Variants in LAMA1 observed in about 807,000 individuals in gnomAD.
LAMA1 encodes laminin subunit alpha-1.
LAMA1 carries 219 observed loss-of-function variants against 348.7 expected under a neutral mutation model. That is an observed-to-expected ratio of 0.63 (90% CI 0.56 to 0.70). The LOEUF is 0.70. Among genes scored for constraint, LAMA1 ranks in the 30% least tolerant of loss-of-function variants. The probability of loss-of-function intolerance (pLI) is 0.00; values close to 1 mark genes in which losing one functional copy is unlikely to be tolerated. For synonymous variants in LAMA1, 1,487 were observed against 1,491.0 expected (o/e 1.00, Z 0.06); for missense variants, 3,744 against 3,888.0 (o/e 0.96, Z 0.99).
At chr18:7,051,588 C>G (rs2058062521) in intron 3 of LAMA1, among the ~76,000 whole-genome samples, 1 of 152,112 alleles carries the variant, frequency 6.6e-6, no homozygotes, top group Non-Finnish European at 1.5e-5. Flanking sequence ...TTGATATGAA[C>G]ATAAGAGCTT....
At chr18:7,032,269 A>T in intron 15 of LAMA1, 93 bp from the exon 16 acceptor site, 2 of 779,124 alleles carry the variant, frequency 2.6e-6, no homozygotes, top group Non-Finnish European at 2.3e-6. Context: ...TTTCTTAAAC[A>T]TCTTAACTGA....
In LAMA1 at chr18:6,985,583, T is replaced by C; in HGVS notation, c.5440A>G (p.Arg1814Gly). The change falls in exon 38 of 63, where the codon AGA becomes GGA. Residue 1814 changes from arginine (R) to glycine (G), a missense_variant. Arg to Gly is a moderately radical substitution (Grantham distance 125, BLOSUM62 -2). Transcript: ENST00000389658. Reference sequence around the variant, plus strand: ...GCAGCAGCAGCATCTATCAATCCTCTTCCTTGGACAATGAGCTCTGAGGTC... The same window carrying C: ...GCAGCAGCAGCATCTATCAATCCTCCTCCTTGGACAATGAGCTCTGAGGTC... ...NLTSELIVQG[R>G]GLIDAAAAQT... The C allele has an allele frequency of 6.2e-7, 1 of 1,614,166 alleles. No homozygotes were observed. The highest frequency in any genetic ancestry group is 8.5e-7 in the Non-Finnish European group (1 of 1,180,012).
intron 16 of LAMA1, among the ~76,000 whole-genome samples, chr18:7,027,261 A>T (rs996414187): frequency 5.9e-5 from 9 of 152,218 alleles, no homozygotes; most frequent in African/African-American, 2.2e-4. Context: ...ACAAGAGACA[A>T]GCCTTATTCT....
chr18:7,047,751 G>A (rs550388845), intron 5 of LAMA1, among the ~76,000 whole-genome samples: 24 of 151,856 alleles, frequency 1.6e-4, no homozygotes, highest in African/African-American at 5.8e-4. Flanking sequence ...AGGTTGAATA[G>A]TTTTCAACAA....
intron 3 of LAMA1, among the ~76,000 whole-genome samples, chr18:7,057,702 C>T (rs2143740216): frequency 6.6e-6 from 1 of 151,800 alleles, no homozygotes; most frequent in African/African-American, 2.4e-5. Context: ...TGGTCTTGAA[C>T]TCTTGGGCTC....
chr18:6,993,765 TAA>T lies in LAMA1; in HGVS notation c.4897-15_4897-14del, dbSNP rs1202402177. ...ACATCCTAGTGAGCTGGTGGAAAAA[TAA>T]AGTCTCAGGTTAGTTTGACTTTAAG... On this transcript the variant is annotated splice_polypyrimidine_tract_variant and intron_variant, in intron 34 of 62. Transcript: ENST00000389658. 6.6e-7 allele frequency: 1 copy of T among 1,503,856 alleles called. No homozygotes were observed. The highest frequency in any genetic ancestry group is 2.3e-5 in the East Asian group (1 of 44,372). 93.2% of individuals were successfully genotyped at this position (1,503,856 alleles called of 1,614,324 possible). A position where few individuals can be genotyped will look rare whatever the true frequency, so the allele number is the denominator to read the frequency against.
At position 7,011,339 on chromosome 18, in the gene LAMA1, C is replaced by A; in HGVS notation, c.3648G>T (p.Pro1216=). ...ATVRQHIRAE[P]FYWRLPQQFQ... is the part of the protein sequence containing the mutation. ...ACTGCTGCGGCAGCCGCCAGTAAAA[C>A]GGCTCTGCACGGATGTGCTGCCGGA... Residue 1216 remains proline, a synonymous_variant, in exon 25 of 63, where the codon CCG becomes CCT. Transcript: ENST00000389658. 6.2e-7 allele frequency: 1 copy of A among 1,612,298 alleles called. No homozygotes were observed. The highest frequency in any genetic ancestry group is 8.5e-7 in the Non-Finnish European group (1 of 1,179,544).
intron 1 of LAMA1, among the ~76,000 whole-genome samples, chr18:7,106,678 C>A (rs1234837700): frequency 1.3e-5 from 2 of 151,858 alleles, no homozygotes; most frequent in African/African-American, 4.8e-5. Flanking sequence ...TTTTAAAATG[C>A]AAATGATATG....
At chr18:7,032,454 T>C (rs1305896380) in intron 15 of LAMA1, among the ~76,000 whole-genome samples, 1 of 152,214 alleles carries the variant, frequency 6.6e-6, no homozygotes, top group Non-Finnish European at 1.5e-5. Flanking sequence ...TTACGGCCTA[T>C]TCTTGTTATG....
chr18:6,990,736 C>A (rs943144564), intron 36 of LAMA1, among the ~76,000 whole-genome samples: 3 of 152,130 alleles, frequency 2.0e-5, no homozygotes, highest in Non-Finnish European at 1.5e-5. Flanking sequence ...GAAAGGCCCT[C>A]GATGTCTCCG....
At chr18:7,079,945 A>G (rs200936411) in intron 3 of LAMA1, 30 bp downstream of exon 3, 118 of 1,482,014 alleles carry the variant, frequency 8.0e-5, no homozygotes, top group Non-Finnish European at 1.1e-4. Flanking sequence ...CAGCCTGTAG[A>G]CACTCTTCAA....
chr18:7,011,370 G>A lies in LAMA1; in HGVS notation c.3617C>T (p.Ala1206Val), dbSNP rs372946104. ...YQAPDFLLDA[A>V]TVRQHIRAEP... is the part of the protein sequence containing the mutation. ...TGCACGGATGTGCTGCCGGACGGTG[G>A]CGGCATCCAGCAGGAAGTCGGGGGC... is the stretch of plus-strand genomic sequence containing the variant. The change falls in exon 25 of 63, where the codon GCC (alanine) becomes GTC (valine). Residue 1206 changes from alanine (A) to valine (V), a missense_variant. Physicochemically the swap from Ala to Val is moderately conservative, Grantham distance 64. Transcript: ENST00000389658. The A allele has an allele frequency of 4.5e-5, 72 of 1,611,642 alleles. No individual in the cohort carries two copies. Among genetic ancestry groups the A allele is most frequent in the Non-Finnish European group, 5.1e-5 (60 of 1,179,244 alleles).
chr18:7,026,715 C>A (rs562554950), intron 16 of LAMA1, among the ~76,000 whole-genome samples: 1 of 152,052 alleles, frequency 6.6e-6, no homozygotes, highest in Admixed American at 6.5e-5. Flanking sequence ...TGATCATATT[C>A]GGCCAGGTGC....
chr18:6,984,488 T>G (rs1413068727), intron 39 of LAMA1, among the ~76,000 whole-genome samples: 1 of 152,144 alleles, frequency 6.6e-6, no homozygotes, highest in Non-Finnish European at 1.5e-5. Flanking sequence ...ACCTGAGGGT[T>G]TTTAAAAAAT....
At position 7,011,365 on chromosome 18, in the gene LAMA1, C is replaced by T. The variant is rs369286165; in HGVS notation, c.3622G>A (p.Val1208Ile). 1.9e-5 allele frequency: 30 copies of T among 1,611,978 alleles called. No homozygotes were observed. Among genetic ancestry groups the T allele is most frequent in the South Asian group, 8.8e-5 (8 of 90,456 alleles). ...APDFLLDAAT[V>I]RQHIRAEPFY... Reference sequence around the variant, plus strand: ...GGCTCTGCACGGATGTGCTGCCGGACGGTGGCGGCATCCAGCAGGAAGTCG... The same window carrying T: ...GGCTCTGCACGGATGTGCTGCCGGATGGTGGCGGCATCCAGCAGGAAGTCG... The change falls in exon 25 of 63, where the codon GTC becomes ATC. Residue 1208 changes from valine (V) to isoleucine (I), a missense_variant. Around this residue, in one of 3 missense-constraint regions of LAMA1, gnomAD observed 1,529 missense variants for 1,689.4 expected, o/e 0.91. Coordinates refer to ENST00000389658, the MANE Select transcript of LAMA1 (RefSeq NM_005559.4).
At position 7,025,972 on chromosome 18, in the gene LAMA1, G is replaced by A. The variant is rs1438430091; in HGVS notation, c.2402+7C>T. The A allele has an allele frequency of 1.2e-6, 2 of 1,605,070 alleles. No homozygotes were observed. The highest frequency in any genetic ancestry group is 1.7e-5 in the Admixed American group (1 of 58,792). On this transcript the variant is annotated splice_region_variant and intron_variant, in intron 17 of 62. Coordinates refer to ENST00000389658, the MANE Select transcript of LAMA1 (RefSeq NM_005559.4). Reference sequence around the variant, plus strand: ...GGCAGGAACCGCTGATGAGGTCCGAGGCTTACTTGTTGGAGGCTATGGTGA... The same window carrying A: ...GGCAGGAACCGCTGATGAGGTCCGAAGCTTACTTGTTGGAGGCTATGGTGA...
At chr18:6,979,073 G>A (rs2057696442) in intron 42 of LAMA1, among the ~76,000 whole-genome samples, 1 of 152,078 alleles carries the variant, frequency 6.6e-6, no homozygotes, top group Admixed American at 6.6e-5. Context: ...CTGGAAAAAG[G>A]GTATACAGGT....
chr18:7,107,365 G>A (rs184574348), intron 1 of LAMA1, among the ~76,000 whole-genome samples: 1,967 of 151,974 alleles, frequency 0.013, 33 homozygotes, highest in East Asian at 0.039. Context: ...TGATCCACCC[G>A]CCTCCGCCTC....
intron 3 of LAMA1, among the ~76,000 whole-genome samples, chr18:7,075,305 G>C (rs147549688): frequency 2.4e-4 from 36 of 152,212 alleles, no homozygotes; most frequent in South Asian, 1.0e-3. Flanking sequence ...AAAGAGGAGG[G>C]GGGGGAAGTT....
Sources: gnomAD v4.1 joint callset for allele counts (sites outside exome capture counted in the v4.1 genomes callset) on GRCh38, gnomAD v4.1.1 for gene constraint, gnomAD v4.1.1 regional missense constraint, MANE v1.5 for transcripts, NCBI Gene and HGNC (gene_info 2026-07-23, HGNC 2026-07-21) for gene names.